Variants in ZFAND6 observed in about 807,000 individuals in gnomAD.
ZFAND6 encodes AN1-type zinc finger protein 6.
In ZFAND6, 12 loss-of-function variants were observed where a neutral mutation model predicts 24.5. That is an observed-to-expected ratio of 0.49 (90% CI 0.31 to 0.79). ZFAND6 has a LOEUF of 0.79. Among genes scored for constraint, ZFAND6 ranks in the 30% least tolerant of loss-of-function variants. ZFAND6 has a pLI of 0.04. For synonymous variants in ZFAND6, 92 were observed against 81.5 expected, an observed-to-expected ratio of 1.13 and a Z score of -0.69; for missense variants, 207 against 245.9, an observed-to-expected ratio of 0.84 and a Z score of 1.06.
At chr15:80,121,495 T>A (rs2040143245) in intron 3 of ZFAND6, among the ~76,000 whole-genome samples, 1 of 152,228 alleles carries the variant, frequency 6.6e-6, no homozygotes, top group Non-Finnish European at 1.5e-5. Flanking sequence ...TATTAATGTA[T>A]ACAATTTGCA....
At chr15:80,127,429 A>T (rs149709095) in intron 5 of ZFAND6, among the ~76,000 whole-genome samples, 1,598 of 152,012 alleles carry the variant, frequency 0.011, 12 homozygotes, top group Non-Finnish European at 0.017. Context: ...CTCTACTAAA[A>T]ATATGAAACT....
intron 1 of ZFAND6, among the ~76,000 whole-genome samples, chr15:80,089,934 T>C (rs1460309998): frequency 6.6e-6 from 1 of 152,258 alleles, no homozygotes; most frequent in Non-Finnish European, 1.5e-5. Flanking sequence ...ATTTAGTCTG[T>C]AATATCCTTC....
Position 80,129,190 on chromosome 15 carries a change from T to C in ZFAND6, c.365-1990T>C, listed in dbSNP as rs184366517. ...CATTCAGCCCCTGCCCTCTTGGAGCTTACATTCTAGGGATATTTATTCATT... is the reference window on the plus strand; with the variant it reads ...CATTCAGCCCCTGCCCTCTTGGAGCCTACATTCTAGGGATATTTATTCATT... On this transcript the variant is annotated intron_variant, in intron 5 of 6. Coordinates refer to ENST00000261749, the MANE Select transcript of ZFAND6 (RefSeq NM_019006.4). 4.2e-4 allele frequency among the ~76,000 whole-genome samples: 64 copies of C among 152,346 alleles called. 1 individual carries two copies. The East Asian group carries it at 0.012, about 29-fold the overall frequency.
chr15:80,073,280 T>C, intron 1 of ZFAND6: 1 of 336,532 alleles, frequency 3.0e-6, no homozygotes. Flanking sequence ...AGATAAGTAA[T>C]TAACATTTCG....
At chr15:80,085,101 C>A (rs780705918) in intron 1 of ZFAND6, among the ~76,000 whole-genome samples, 3 of 152,196 alleles carry the variant, frequency 2.0e-5, no homozygotes, top group Non-Finnish European at 4.4e-5. Context: ...GCTGCTGATT[C>A]TTCCATACGT....
At position 80,111,667 on chromosome 15, in the gene ZFAND6, T is replaced by C. The variant is rs185476399; in HGVS notation, c.-17-8661T>C. On this transcript the variant is annotated intron_variant, in intron 2 of 6. Transcript: ENST00000261749. ...ATAAGTTTTTAATAAAGTTTTCTTA[T>C]AAGTGGGAGGGGCTCATCTTACCAC... 6.0e-5 allele frequency: 20 copies of C among 331,264 alleles called. No homozygotes were observed. The Admixed American group carries it at 6.7e-4, about 11-fold the overall frequency. 20.5% of individuals were successfully genotyped at this position (331,264 alleles called of 1,614,324 possible).
At chr15:80,134,952 C>A (rs1355316964) in intron 6 of ZFAND6, among the ~76,000 whole-genome samples, 2 of 152,126 alleles carry the variant, frequency 1.3e-5, no homozygotes, top group Non-Finnish European at 2.9e-5. Flanking sequence ...AGGATTGGTA[C>A]CATATGGAAA....
chr15:80,112,605 T>G (rs2039666341), intron 2 of ZFAND6, among the ~76,000 whole-genome samples: 1 of 151,988 alleles, frequency 6.6e-6, no homozygotes, highest in Non-Finnish European at 1.5e-5. Context: ...ACCATGTTGG[T>G]CAGGCTGGTC....
intron 2 of ZFAND6, among the ~76,000 whole-genome samples, chr15:80,118,014 A>G (rs1395307571): frequency 1.4e-5 from 1 of 73,382 alleles, no homozygotes; most frequent in Admixed American, 1.8e-4. Flanking sequence ...CCAGGTATTG[A>G]ATTGTGTGTG....
chr15:80,069,454 A>C (rs573745496), intron 1 of ZFAND6, among the ~76,000 whole-genome samples: 2 of 152,056 alleles, frequency 1.3e-5, no homozygotes, highest in South Asian at 4.1e-4. Flanking sequence ...ATGTTTCCTT[A>C]ATGTTTCCTT....
chr15:80,133,192 G>GT (rs1466305098), intron 6 of ZFAND6, among the ~76,000 whole-genome samples: 1 of 92,844 alleles, frequency 1.1e-5, no homozygotes, highest in Non-Finnish European at 2.8e-5. Flanking sequence ...TTGTTTGTTT[G>GT]TTTTTTGTTT....
chr15:80,069,034 A>T (rs2036824945), intron 1 of ZFAND6, among the ~76,000 whole-genome samples: 1 of 152,206 alleles, frequency 6.6e-6, no homozygotes, highest in South Asian at 2.1e-4. Context: ...TTTCTTTGTG[A>T]CTGATTAAAA....
chr15:80,094,514 G>A (rs1231109756), intron 1 of ZFAND6, among the ~76,000 whole-genome samples: 2 of 128,594 alleles, frequency 1.6e-5, no homozygotes, highest in African/African-American at 5.9e-5. Flanking sequence ...TGTCTTCCAC[G>A]AAACTGGTCC....
intron 1 of ZFAND6, among the ~76,000 whole-genome samples, chr15:80,064,097 CTTAAG>C (rs1238658003): frequency 6.6e-6 from 1 of 152,120 alleles, no homozygotes; most frequent in Non-Finnish European, 1.5e-5. Context: ...TTGGGTGTAA[CTTAAG>C]TTTATTATTT....
rs552784413 is a variant in ZFAND6, at chr15:80,114,586, C to T, written c.-17-5742C>T. Among the ~76,000 whole-genome samples the T allele has an allele frequency of 2.2e-4, 33 of 152,218 alleles. No individual in the cohort carries two copies. The South Asian group carries it at 6.8e-3, about 32-fold the overall frequency. Reference sequence around the variant, plus strand: ...GGATGGAAAATAAAAGAGGGTGAAGCATTTCAAAATAAAAATTATTGGAAC... The same window carrying T: ...GGATGGAAAATAAAAGAGGGTGAAGTATTTCAAAATAAAAATTATTGGAAC... On this transcript the variant is annotated intron_variant, in intron 2 of 6. Transcript: ENST00000261749.
chr15:80,134,010 G>A (rs1192932387), intron 6 of ZFAND6, among the ~76,000 whole-genome samples: 2 of 142,278 alleles, frequency 1.4e-5, no homozygotes, highest in African/African-American at 5.2e-5. Flanking sequence ...TTTTTGAGAT[G>A]GAGTTTCACT....
chr15:80,079,630 A>G (rs2037522184), intron 1 of ZFAND6, among the ~76,000 whole-genome samples: 1 of 151,468 alleles, frequency 6.6e-6, no homozygotes, highest in African/African-American at 2.4e-5. Context: ...ATATAATTTG[A>G]AAAGAATGTT....
chr15:80,060,296 C>G (rs1210069369), intron 1 of ZFAND6: 1 of 152,062 alleles, frequency 6.6e-6, no homozygotes, highest in African/African-American at 2.4e-5. Flanking sequence ...AGAAACCAGC[C>G]GGAGGCAGCC....
intron 6 of ZFAND6, among the ~76,000 whole-genome samples, chr15:80,131,895 G>T (rs771415252): frequency 1.2e-4 from 19 of 152,166 alleles, no homozygotes; most frequent in Non-Finnish European, 2.8e-4. Context: ...AGTTCTTAGA[G>T]GCCCAGCAAG....
Sources: allele counts gnomAD v4.1 joint callset (sites outside exome capture counted in the v4.1 genomes callset), GRCh38; gene constraint gnomAD v4.1.1; transcripts MANE v1.5; gene names NCBI Gene and HGNC (gene_info 2026-07-23, HGNC 2026-07-21).